The following CHAF1B variants were observed in gnomAD, a reference collection of about 807,000 sequenced individuals.
CHAF1B encodes the protein CAF-1 subunit B.
CHAF1B carries 10 observed loss-of-function variants against 60.7 expected under a neutral mutation model. The ratio of observed to expected loss-of-function variants is 0.16; its 90% CI spans 0.10 to 0.28. The LOEUF (loss-of-function observed/expected upper bound fraction) is 0.28. CHAF1B is among the 10% of genes least tolerant of loss of function. The pLI is 1.00. For missense variants in CHAF1B, 558 were observed against 708.4 expected, an observed-to-expected ratio of 0.79 and a Z score of 2.41; for synonymous variants, 261 against 266.1, an observed-to-expected ratio of 0.98 and a Z score of 0.19.
intron 8 of CHAF1B, among the ~76,000 whole-genome samples, chr21:36,407,065 G>T (rs2086243288): frequency 6.6e-6 from 1 of 152,188 alleles, no homozygotes; most frequent in Admixed American, 6.6e-5. Context: ...ACTCTGGGAG[G>T]CCAAGGTGGG....
chr21:36,407,187 A>C (rs2086244642), intron 8 of CHAF1B, among the ~76,000 whole-genome samples: 1 of 152,100 alleles, frequency 6.6e-6, no homozygotes, highest in Non-Finnish European at 1.5e-5. Flanking sequence ...CTGTAATCCC[A>C]GCTACTCAAG....
chr21:36,401,411 A>G (rs1365506467), intron 7 of CHAF1B, among the ~76,000 whole-genome samples: 1 of 113,454 alleles, frequency 8.8e-6, no homozygotes, highest in African/African-American at 3.5e-5. Flanking sequence ...ATATATTTTT[A>G]TATTATACAT....
At chr21:36,402,255 C>T (rs1049908869) in intron 7 of CHAF1B, among the ~76,000 whole-genome samples, 20 of 152,030 alleles carry the variant, frequency 1.3e-4, no homozygotes, top group African/African-American at 3.9e-4. Context: ...TAGGTTACAG[C>T]GACCTATGAT....
rs2086201871 is a variant in CHAF1B at position 36,402,782 on chromosome 21, G to A, written c.688G>A (p.Asp230Asn). 2 of 1,613,828 alleles carry A rather than the reference G, an allele frequency of 1.2e-6. No homozygotes were observed. Among genetic ancestry groups the A allele is most frequent in the African/African-American group, 1.3e-5 (1 of 75,048 alleles). The change falls in exon 8 of 14, where the codon GAC becomes AAC. Residue 230 changes from aspartate to asparagine, a missense_variant. Asp to Asn is a conservative substitution (Grantham distance 23). Coordinates refer to ENST00000314103, the MANE Select transcript of CHAF1B (RefSeq NM_005441.3). ...GEARSYRMFH[D>N]DSMKSFFRRL... ...GGCAAGAAGCTACCGGATGTTTCAC[G>A]ACGACAGCATGAAGTCTTTCTTCCG... is the stretch of plus-strand genomic sequence containing the variant.
chr21:36,385,602 GCGCGGC>G (rs971882743), intron 1 of CHAF1B, among the ~76,000 whole-genome samples, 151 bp downstream of exon 1: 1 of 151,366 alleles, frequency 6.6e-6, no homozygotes, highest in Non-Finnish European at 1.5e-5. Flanking sequence ...CCCCGGCCCC[GCGCGGC>G]CTCCTCCCGG....
At chr21:36,403,320 G>C (rs1291290859) in intron 8 of CHAF1B, among the ~76,000 whole-genome samples, 1 of 151,544 alleles carries the variant, frequency 6.6e-6, no homozygotes, top group African/African-American at 2.4e-5. Flanking sequence ...TAATGATGTG[G>C]TGGCGCATAC....
Position 36,416,473 on chromosome 21 carries a change from G to A in CHAF1B, c.*107G>A. 2.7e-6 allele frequency: 2 copies of A among 731,330 alleles called. No homozygotes were observed. The highest frequency in any genetic ancestry group is 4.4e-6 in the Non-Finnish European group (2 of 456,338). 45.3% of individuals were successfully genotyped at this position (731,330 alleles called of 1,614,324 possible). A position where few individuals can be genotyped will look rare whatever the true frequency, so the allele number is the denominator to read the frequency against. On this transcript the variant is annotated 3_prime_UTR_variant, in exon 14 of 14. Transcript: ENST00000314103. Reference sequence around the variant, plus strand: ...GGGCTTCCATGGAGCGGGACACACTGTAAATGGATTTCTATAACAGAAGTG... The same window carrying A: ...GGGCTTCCATGGAGCGGGACACACTATAAATGGATTTCTATAACAGAAGTG...
At chr21:36,395,666 A>C (rs1418026199) in intron 5 of CHAF1B, among the ~76,000 whole-genome samples, 1 of 152,218 alleles carries the variant, frequency 6.6e-6, no homozygotes, top group African/African-American at 2.4e-5. Flanking sequence ...TAGAAGATCA[A>C]GGAAAGCCAG....
rs572870800 is a variant in CHAF1B at position 36,416,190 on chromosome 21, C to T, written c.1589-85C>T. The stretch of plus-strand genomic sequence containing the variant: ...CTTGCCAGGCAGCTCAGTTCCGTGT[C>T]TTGGCTCTGTATTCTGTAAATGTCA... On this transcript the variant is annotated intron_variant, in intron 13 of 13. Coordinates refer to ENST00000314103, the MANE Select transcript of CHAF1B (RefSeq NM_005441.3). The T allele has an allele frequency of 1.0e-5, 12 of 1,191,278 alleles. No homozygotes were observed. In the East Asian group the frequency reaches 2.2e-4, roughly 22 times the overall value. 73.8% of individuals were successfully genotyped at this position (1,191,278 alleles called of 1,614,324 possible).
chr21:36,395,401 A>G (rs1348151785), intron 5 of CHAF1B, among the ~76,000 whole-genome samples: 1 of 152,242 alleles, frequency 6.6e-6, no homozygotes, highest in African/African-American at 2.4e-5. Flanking sequence ...GAACTAAAGT[A>G]GGTGGTTGGC....
intron 12 of CHAF1B, 147 bp from the exon 13 acceptor site, chr21:36,415,148 C>T (rs913510567): frequency 5.0e-6 from 3 of 597,438 alleles, no homozygotes; most frequent in Non-Finnish European, 8.9e-6. Flanking sequence ...CAAGTGGGCA[C>T]ATCTTACTAT....
intron 8 of CHAF1B, among the ~76,000 whole-genome samples, chr21:36,403,956 G>A (rs1459051782): frequency 3.3e-5 from 5 of 152,296 alleles, no homozygotes; most frequent in African/African-American, 1.2e-4. Flanking sequence ...CTGTGTGGGT[G>A]GGGCTTTAAA....
At chr21:36,395,770 A>T (rs1266447257) in intron 5 of CHAF1B, among the ~76,000 whole-genome samples, 3 of 152,198 alleles carry the variant, frequency 2.0e-5, no homozygotes, top group Non-Finnish European at 4.4e-5. Flanking sequence ...AAGTATGGCT[A>T]ACTCCTAATC....
intron 2 of CHAF1B, among the ~76,000 whole-genome samples, chr21:36,386,572 T>C (rs887549550): frequency 1.3e-5 from 2 of 152,192 alleles, no homozygotes; most frequent in Non-Finnish European, 2.9e-5. Flanking sequence ...CACTCCAGCC[T>C]GGGTGACAGA....
At chr21:36,400,625 C>T (rs2086180091) in intron 7 of CHAF1B, among the ~76,000 whole-genome samples, 1 of 152,120 alleles carries the variant, frequency 6.6e-6, no homozygotes. Flanking sequence ...GGGAAGATCC[C>T]TACACGAGGC....
At chr21:36,413,391 AGGTGAAATTTCAGGC>A in intron 12 of CHAF1B, 76 bp downstream of exon 12, 1 of 1,411,288 alleles carries the variant, frequency 7.1e-7, no homozygotes. Context: ...ACCCTGCTGC[AGGTGAAATTTCAGGC>A]GGTGAATGCT....
In CHAF1B at chr21:36,387,645, T is replaced by C; in HGVS notation, c.174T>C (p.Phe58=). Residue 58 remains phenylalanine (F), a synonymous_variant, in exon 3 of 14, where the codon TTT becomes TTC. Transcript: ENST00000314103. The part of the protein sequence containing the change: ...KGPDGKAIVE[F]LSNLARHTKA... Reference sequence around the variant, plus strand: ...CAGATGGAAAAGCCATCGTGGAATTTTTGTCCAATCTTGCTCGTCATACCA... The same window carrying C: ...CAGATGGAAAAGCCATCGTGGAATTCTTGTCCAATCTTGCTCGTCATACCA... 1 of 1,614,190 alleles carries C rather than the reference T, an allele frequency of 6.2e-7. No individual in the cohort carries two copies. The highest frequency in any genetic ancestry group is 8.5e-7 in the Non-Finnish European group (1 of 1,180,020).
At chr21:36,395,585 T>C (rs2086131379) in intron 5 of CHAF1B, among the ~76,000 whole-genome samples, 1 of 152,140 alleles carries the variant, frequency 6.6e-6, no homozygotes, top group South Asian at 2.1e-4. Context: ...TCGGGAAGAT[T>C]AACAAGTCAC....
chr21:36,413,914 A>T (rs934475394), intron 12 of CHAF1B, among the ~76,000 whole-genome samples: 1 of 152,204 alleles, frequency 6.6e-6, no homozygotes, highest in Admixed American at 6.5e-5. Context: ...TGTTCTGCCC[A>T]GGATGTAGGC....
Sources: gnomAD v4.1 joint callset for allele counts (sites outside exome capture counted in the v4.1 genomes callset) on GRCh38, gnomAD v4.1.1 for gene constraint, MANE v1.5 for transcripts, NCBI Gene and HGNC (gene_info 2026-07-23, HGNC 2026-07-21) for gene names.